Variants in NBAS observed in about 807,000 individuals in gnomAD.
The protein encoded by NBAS is NAG/BC035112 fusion.
Under a neutral mutation model 302.5 loss-of-function variants are expected in NBAS, and 219 were observed. The ratio of observed to expected loss-of-function variants is 0.72; its 90% CI spans 0.65 to 0.81. The LOEUF is 0.81. NBAS is among the 30% of genes least tolerant of loss of function. NBAS has a pLI of 0.00. For synonymous variants in NBAS, 1,118 were observed against 1,021.6 expected (o/e 1.09, Z -1.80); for missense variants, 2,932 against 2,841.6 (o/e 1.03, Z -0.72).
the NBAS span, among the ~76,000 whole-genome samples, chr2:15,082,065 T>C: frequency 6.6e-6 from 1 of 152,200 alleles, no homozygotes; most frequent in Non-Finnish European, 1.5e-5. Flanking sequence ...AAACAGACTC[T>C]GCTCCCCAAC....
At chr2:14,794,994 T>C in the NBAS span, among the ~76,000 whole-genome samples, 1 of 152,220 alleles carries the variant, frequency 6.6e-6, no homozygotes, top group East Asian at 1.9e-4. Flanking sequence ...TGTTTGTCCA[T>C]TCGCCTGTTA....
chr2:15,152,537 A>G, the NBAS span, among the ~76,000 whole-genome samples: 1 of 152,206 alleles, frequency 6.6e-6, no homozygotes, highest in South Asian at 2.1e-4. Context: ...ACAGGGTGCT[A>G]ACTGATCAGA....
chr2:15,194,395 C>T (rs752793569), intron 48 of NBAS, among the ~76,000 whole-genome samples: 36 of 152,022 alleles, frequency 2.4e-4, no homozygotes, highest in Admixed American at 6.6e-4. Flanking sequence ...AAGGAAGTGT[C>T]GCATTTTTTC....
At chr2:15,192,990 G>T (rs1665435010) in intron 48 of NBAS, among the ~76,000 whole-genome samples, 1 of 151,924 alleles carries the variant, frequency 6.6e-6, no homozygotes, top group African/African-American at 2.4e-5. Context: ...TACATTTTGA[G>T]GAAATAAACT....
chr2:15,009,784 T>G, the NBAS span, among the ~76,000 whole-genome samples: 1 of 151,290 alleles, frequency 6.6e-6, no homozygotes, highest in Non-Finnish European at 1.5e-5. Context: ...GCAGCCTGTG[T>G]CAGTTTCCCA....
At chr2:14,795,330 G>T in the NBAS span, among the ~76,000 whole-genome samples, 1 of 152,018 alleles carries the variant, frequency 6.6e-6, no homozygotes, top group Non-Finnish European at 1.5e-5. Context: ...ACTTTAATTT[G>T]CATTTACATA....
At chr2:14,817,124 C>A in the NBAS span, among the ~76,000 whole-genome samples, 2 of 152,220 alleles carry the variant, frequency 1.3e-5, no homozygotes, top group South Asian at 2.1e-4. Context: ...ACACATCATG[C>A]TTCCCCCAAA....
intron 48 of NBAS, among the ~76,000 whole-genome samples, chr2:15,213,048 T>C (rs534172410): frequency 6.6e-6 from 1 of 152,350 alleles, no homozygotes; most frequent in Admixed American, 6.5e-5. Context: ...GAATTAGAGC[T>C]TTATAGGTAT....
At position 15,383,430 on chromosome 2, in the gene NBAS, A is replaced by G. The variant is rs1675142324; in HGVS notation, c.3258-113T>C. The G allele has an allele frequency of 6.4e-6, 5 of 779,702 alleles. No individual in the cohort carries two copies. The South Asian group carries it at 7.2e-5, about 11-fold the overall frequency. The allele number at this position is 779,702 out of a possible 1,614,324, so 48.3% of individuals were successfully genotyped here. A position where few individuals can be genotyped will look rare whatever the true frequency, so the allele number is the denominator to read the frequency against. On this transcript the variant is annotated intron_variant, in intron 28 of 51. Transcript: ENST00000281513. ...AAACTGGTACCACCACTCTATATCC[A>G]CATCAGCTCTCAAATGATCAAAAAG...
chr2:15,164,191 A>G (rs1213421200), downstream of NBAS, among the ~76,000 whole-genome samples: 3 of 152,284 alleles, frequency 2.0e-5, no homozygotes, highest in South Asian at 2.1e-4. Context: ...CAGACATTTC[A>G]TGATCTCCCT....
intron 44 of NBAS, among the ~76,000 whole-genome samples, chr2:15,254,638 C>G (rs760789186): frequency 9.2e-5 from 14 of 151,974 alleles, no homozygotes; most frequent in Non-Finnish European, 2.1e-4. Flanking sequence ...TTTGGTGTAC[C>G]CATCACTGGA....
chr2:15,549,678 T>C (rs1664284338), intron 6 of NBAS, among the ~76,000 whole-genome samples: 1 of 151,854 alleles, frequency 6.6e-6, no homozygotes, highest in Admixed American at 6.6e-5. Context: ...CAGTGAGCCA[T>C]GATCATGCCA....
At chr2:15,100,509 A>G in the NBAS span, among the ~76,000 whole-genome samples, 1 of 152,222 alleles carries the variant, frequency 6.6e-6, no homozygotes, top group African/African-American at 2.4e-5. Context: ...ACAAGACTTC[A>G]TTAATGATAA....
chr2:15,529,383 C>T (rs891802563), intron 9 of NBAS, among the ~76,000 whole-genome samples: 1 of 152,030 alleles, frequency 6.6e-6, no homozygotes, highest in Non-Finnish European at 1.5e-5. Flanking sequence ...GTCCCAGCTA[C>T]TCGAGAGGCT....
chr2:14,926,520 G>A, the NBAS span, among the ~76,000 whole-genome samples: 1 of 151,976 alleles, frequency 6.6e-6, no homozygotes, highest in African/African-American at 2.4e-5. Flanking sequence ...GCTTATAATA[G>A]TTCCTGGTAT....
At chr2:14,788,014 T>C in the NBAS span, among the ~76,000 whole-genome samples, 8,171 of 152,196 alleles carry the variant, frequency 0.054, 225 homozygotes, top group Non-Finnish European at 0.059. Flanking sequence ...GGAGGCTTTG[T>C]TCATTTCTTT....
intron 47 of NBAS, among the ~76,000 whole-genome samples, chr2:15,223,577 GA>G (rs1393625151): frequency 6.6e-6 from 1 of 151,998 alleles, no homozygotes; most frequent in Non-Finnish European, 1.5e-5. Flanking sequence ...TAAAAGTCAT[GA>G]AATACACTTT....
intron 21 of NBAS, among the ~76,000 whole-genome samples, chr2:15,448,506 T>C (rs1453950073): frequency 6.6e-6 from 1 of 152,136 alleles, no homozygotes; most frequent in Non-Finnish European, 1.5e-5. Flanking sequence ...AAGACGTACG[T>C]CCCTGTTTCT....
At chr2:15,351,845 A>C in intron 35 of NBAS, 147 bp downstream of exon 35, 1 of 705,852 alleles carries the variant, frequency 1.4e-6, no homozygotes, top group Non-Finnish European at 2.6e-6. Flanking sequence ...CACACACAAA[A>C]GCTGAAAAGA....
Sources: gnomAD v4.1 joint callset for allele counts (sites outside exome capture counted in the v4.1 genomes callset) on GRCh38, gnomAD v4.1.1 for gene constraint, MANE v1.5 for transcripts, NCBI Gene and HGNC (gene_info 2026-07-23, HGNC 2026-07-21) for gene names.